Variants in ZMAT4 observed in about 807,000 individuals in gnomAD.
The protein encoded by ZMAT4 is zinc finger matrin-type 4.
Under a neutral mutation model 28.7 loss-of-function variants are expected in ZMAT4, and 17 were observed. The ratio of observed to expected loss-of-function variants is 0.59; its 90% CI spans 0.41 to 0.89. The LOEUF (loss-of-function observed/expected upper bound fraction) is 0.89. Among genes scored for constraint, ZMAT4 ranks in the 40% least tolerant of loss-of-function variants. The probability of loss-of-function intolerance (pLI) is 0.00; values close to 1 mark genes in which losing one functional copy is unlikely to be tolerated. For missense variants in ZMAT4, 240 were observed against 283.8 expected, an observed-to-expected ratio of 0.85 and a Z score of 1.11; for synonymous variants, 117 against 109.2, an observed-to-expected ratio of 1.07 and a Z score of -0.44.
intron 5 of ZMAT4, among the ~76,000 whole-genome samples, chr8:40,632,714 G>A (rs1377610705): frequency 6.6e-6 from 1 of 152,188 alleles, no homozygotes; most frequent in South Asian, 2.1e-4. Context: ...GATTTCTGAA[G>A]TCTGCCCTAC....
At chr8:40,854,371 G>C (rs1240530585) in intron 1 of ZMAT4, among the ~76,000 whole-genome samples, 1 of 152,214 alleles carries the variant, frequency 6.6e-6, no homozygotes, top group Non-Finnish European at 1.5e-5. Flanking sequence ...AGCTAGGACA[G>C]CTCAAAGGAA....
At chr8:40,865,567 GTGCC>G (rs1272682714) in intron 1 of ZMAT4, among the ~76,000 whole-genome samples, 2 of 152,170 alleles carry the variant, frequency 1.3e-5, no homozygotes, top group African/African-American at 4.8e-5. Flanking sequence ...TCTGCCATCT[GTGCC>G]ATGCTGCACA....
intron 5 of ZMAT4, among the ~76,000 whole-genome samples, chr8:40,614,991 T>C (rs1030185731): frequency 3.3e-5 from 5 of 152,224 alleles, no homozygotes; most frequent in East Asian, 1.9e-4. Flanking sequence ...GTTATTTTGC[T>C]CTTTAGTTGA....
intron 4 of ZMAT4, among the ~76,000 whole-genome samples, chr8:40,675,155 C>A (rs1808858099): frequency 6.6e-6 from 1 of 152,094 alleles, no homozygotes; most frequent in African/African-American, 2.4e-5. Context: ...TGTCGTTATA[C>A]CAAAATCTGA....
intron 6 of ZMAT4, among the ~76,000 whole-genome samples, chr8:40,580,160 G>A (rs1023884923): frequency 6.6e-6 from 1 of 151,784 alleles, no homozygotes; most frequent in African/African-American, 2.4e-5. Context: ...CTACAGGCAC[G>A]TGCCACCACG....
intron 2 of ZMAT4, among the ~76,000 whole-genome samples, chr8:40,821,067 TG>T (rs970659074): frequency 4.7e-4 from 68 of 145,786 alleles, no homozygotes; most frequent in African/African-American, 1.5e-3. Context: ...GTTGGTGGTT[TG>T]GGGATGGGTG....
intron 3 of ZMAT4, among the ~76,000 whole-genome samples, chr8:40,717,567 A>G (rs528731894): frequency 2.0e-5 from 3 of 152,270 alleles, no homozygotes; most frequent in African/African-American, 7.2e-5. Flanking sequence ...AGGCTGAGGC[A>G]AGAGGATCCC....
chr8:40,641,058 C>G (rs1247871871), intron 5 of ZMAT4, among the ~76,000 whole-genome samples: 3 of 151,614 alleles, frequency 2.0e-5, no homozygotes, highest in Non-Finnish European at 1.5e-5. Context: ...AAGAATTCAT[C>G]AACTTTACAA....
In ZMAT4 at chr8:40,746,049, C is replaced by T. The variant is rs985574924; in HGVS notation, c.192+21592G>A. Among the ~76,000 whole-genome samples, 8 of 152,040 alleles carry T rather than the reference C, an allele frequency of 5.3e-5. No homozygotes were observed. The East Asian group carries it at 5.8e-4, about 11-fold the overall frequency. On this transcript the variant is annotated intron_variant, in intron 3 of 6. Coordinates refer to ENST00000297737, the MANE Select transcript of ZMAT4 (RefSeq NM_024645.3). Reference sequence around the variant, plus strand: ...CCATCTTCGCAGCCAGTAGGTTTCCCGGCTCACTTTTCTTCTCTCCTCAAG... The same window carrying T: ...CCATCTTCGCAGCCAGTAGGTTTCCTGGCTCACTTTTCTTCTCTCCTCAAG...
chr8:40,604,464 T>C (rs1427005374), intron 5 of ZMAT4, among the ~76,000 whole-genome samples: 3 of 152,212 alleles, frequency 2.0e-5, no homozygotes, highest in Non-Finnish European at 4.4e-5. Flanking sequence ...TTTTTCTGTA[T>C]CTATTGAGAT....
At chr8:40,817,181 T>C (rs904567678) in intron 2 of ZMAT4, among the ~76,000 whole-genome samples, 27 of 152,178 alleles carry the variant, frequency 1.8e-4, no homozygotes, top group South Asian at 2.1e-4. Flanking sequence ...TACTGATACA[T>C]GGAACTTTCT....
At chr8:40,580,259 A>G (rs969153289) in intron 6 of ZMAT4, among the ~76,000 whole-genome samples, 4 of 151,832 alleles carry the variant, frequency 2.6e-5, no homozygotes, top group Admixed American at 1.3e-4. Context: ...TGATCCGCCC[A>G]CCTCAGCCTC....
At chr8:40,789,001 G>A (rs1239336567) in intron 2 of ZMAT4, among the ~76,000 whole-genome samples, 1 of 124,082 alleles carries the variant, frequency 8.1e-6, no homozygotes, top group Non-Finnish European at 1.7e-5. Flanking sequence ...GGGAGGGAGG[G>A]AGGAAGGAAA....
At chr8:40,539,324 A>C (rs1802952801) in intron 6 of ZMAT4, among the ~76,000 whole-genome samples, 1 of 152,042 alleles carries the variant, frequency 6.6e-6, no homozygotes, top group Non-Finnish European at 1.5e-5. Context: ...AAGAAGCCTC[A>C]CTCCCAGATC....
intron 5 of ZMAT4, among the ~76,000 whole-genome samples, chr8:40,601,427 A>AGGAAGGAG (rs1424194858): frequency 9.5e-6 from 1 of 105,196 alleles, no homozygotes; most frequent in Non-Finnish European, 1.8e-5. Context: ...GAAGGAAGGA[A>AGGAAGGAG]GGAAGGAAGG....
chr8:40,858,478 AGGTTT>A (rs1817375926), intron 1 of ZMAT4, among the ~76,000 whole-genome samples: 1 of 152,182 alleles, frequency 6.6e-6, no homozygotes, highest in Non-Finnish European at 1.5e-5. Flanking sequence ...TAAGATTGAC[AGGTTT>A]AATAAGCAAG....
chr8:40,704,687 T>C (rs1445668715), intron 3 of ZMAT4, among the ~76,000 whole-genome samples: 1 of 152,216 alleles, frequency 6.6e-6, no homozygotes, highest in Non-Finnish European at 1.5e-5. Context: ...TTGATAAACA[T>C]GAACTAAATA....
At chr8:40,624,705 T>G (rs1476353719) in intron 5 of ZMAT4, among the ~76,000 whole-genome samples, 1 of 152,196 alleles carries the variant, frequency 6.6e-6, no homozygotes, top group African/African-American at 2.4e-5. Context: ...GACTAAAGGA[T>G]TCCCTCTTAA....
chr8:40,878,642 C>T (rs1389536605), intron 1 of ZMAT4, among the ~76,000 whole-genome samples: 1 of 152,214 alleles, frequency 6.6e-6, no homozygotes, highest in African/African-American at 2.4e-5. Flanking sequence ...AGAAAATTAT[C>T]TCTGTTAAGT....
Sources: gnomAD v4.1 joint callset for allele counts (sites outside exome capture counted in the v4.1 genomes callset) on GRCh38, gnomAD v4.1.1 for gene constraint, MANE v1.5 for transcripts, NCBI Gene and HGNC (gene_info 2026-07-23, HGNC 2026-07-21) for gene names.